Variants in SYT1 observed in about 807,000 individuals in gnomAD.
The protein encoded by SYT1 is synaptotagmin-1.
SYT1 carries 8 observed loss-of-function variants against 44.8 expected under a neutral mutation model. The observed-to-expected ratio is 0.18, with a 90% CI of 0.10 to 0.32. SYT1 has a LOEUF of 0.32. Among genes scored for constraint, SYT1 ranks in the 10% least tolerant of loss-of-function variants. The probability of loss-of-function intolerance (pLI) is 1.00; values close to 1 mark genes in which losing one functional copy is unlikely to be tolerated. For missense variants in SYT1, 286 were observed against 509.3 expected, an observed-to-expected ratio of 0.56 and a Z score of 4.22; for synonymous variants, 154 against 188.8, an observed-to-expected ratio of 0.82 and a Z score of 1.51.
chr12:79,005,702 G>T (rs1419712152), intron 2 of SYT1, among the ~76,000 whole-genome samples: 1 of 152,090 alleles, frequency 6.6e-6, no homozygotes, highest in Admixed American at 6.6e-5. Flanking sequence ...AAGAGAGGCA[G>T]TTAAACAAGC....
At chr12:79,014,333 T>C (rs888242269) in intron 2 of SYT1, among the ~76,000 whole-genome samples, 7 of 152,104 alleles carry the variant, frequency 4.6e-5, no homozygotes, top group Admixed American at 3.9e-4. Context: ...TTTATACTAT[T>C]TAGAATAATG....
At chr12:79,132,674 CAAAAAA>C (rs71091641) in intron 3 of SYT1, among the ~76,000 whole-genome samples, 2,732 of 43,666 alleles carry the variant, frequency 0.063, 35 homozygotes, top group Non-Finnish European at 0.079. Context: ...GGAGTTTTCT[CAAAAAA>C]AAAAAAAAAA....
chr12:78,994,826 T>G (rs1870265660), intron 2 of SYT1, among the ~76,000 whole-genome samples: 1 of 152,172 alleles, frequency 6.6e-6, no homozygotes, highest in Non-Finnish European at 1.5e-5. Flanking sequence ...TGAGCCACTG[T>G]GCCCGGCCAA....
At chr12:79,061,557 A>G (rs1282615969) in intron 3 of SYT1, among the ~76,000 whole-genome samples, 1 of 152,148 alleles carries the variant, frequency 6.6e-6, no homozygotes, top group African/African-American at 2.4e-5. Flanking sequence ...ACAAAAATGA[A>G]TGGGACAGTC....
At chr12:79,031,604 T>C (rs1249481197) in intron 2 of SYT1, among the ~76,000 whole-genome samples, 1 of 151,178 alleles carries the variant, frequency 6.6e-6, no homozygotes, top group Non-Finnish European at 1.5e-5. Context: ...AACCCTATTA[T>C]GTAACTTTCA....
At chr12:79,042,029 G>C (rs1873621639) in intron 2 of SYT1, among the ~76,000 whole-genome samples, 1 of 150,768 alleles carries the variant, frequency 6.6e-6, no homozygotes, top group African/African-American at 2.4e-5. Flanking sequence ...CGTTTTGCCA[G>C]TATTTTATTG....
At chr12:79,268,845 C>T (rs1007092675) in intron 4 of SYT1, among the ~76,000 whole-genome samples, 1 of 152,076 alleles carries the variant, frequency 6.6e-6, no homozygotes, top group African/African-American at 2.4e-5. Context: ...AAGTCTGTAT[C>T]ATATTGAAAG....
chr12:78,923,806 T>C (rs1469614401), intron 1 of SYT1, among the ~76,000 whole-genome samples: 1 of 151,802 alleles, frequency 6.6e-6, no homozygotes, highest in Non-Finnish European at 1.5e-5. Flanking sequence ...TAGGTGCATA[T>C]TTTCTAAAAA....
intron 2 of SYT1, among the ~76,000 whole-genome samples, chr12:79,044,996 G>A (rs1185628503): frequency 2.0e-5 from 3 of 152,174 alleles, no homozygotes; most frequent in East Asian, 1.9e-4. Context: ...CTGCAGCTGC[G>A]TGCTGGGAGA....
At chr12:79,034,306 A>T (rs1414262906) in intron 2 of SYT1, among the ~76,000 whole-genome samples, 1 of 151,568 alleles carries the variant, frequency 6.6e-6, no homozygotes, top group Non-Finnish European at 1.5e-5. Flanking sequence ...CTTTGGGTAA[A>T]TACTGCTTTC....
intron 4 of SYT1, among the ~76,000 whole-genome samples, chr12:79,238,753 T>C (rs561892063): frequency 5.9e-5 from 9 of 152,210 alleles, no homozygotes; most frequent in Non-Finnish European, 1.2e-4. Context: ...CCCTCATATA[T>C]TTGCAGCAGA....
intron 9 of SYT1, among the ~76,000 whole-genome samples, chr12:79,407,981 T>A (rs1885302114): frequency 6.6e-6 from 1 of 152,126 alleles, no homozygotes; most frequent in African/African-American, 2.4e-5. Flanking sequence ...CAAAAGATGT[T>A]GCTTCGAGAA....
At chr12:79,438,398 G>C (rs1870213963) in intron 9 of SYT1, among the ~76,000 whole-genome samples, 1 of 152,134 alleles carries the variant, frequency 6.6e-6, no homozygotes, top group Admixed American at 6.6e-5. Context: ...GAGCATCAGG[G>C]CTAGATCAAC....
intron 2 of SYT1, among the ~76,000 whole-genome samples, chr12:79,012,123 T>C (rs1344760113): frequency 4.0e-4 from 57 of 143,726 alleles, no homozygotes; most frequent in Non-Finnish European, 1.5e-4. Context: ...CAGAATGAGA[T>C]TCTGTCTCAA....
chr12:79,017,782 T>C (rs1871904919), intron 2 of SYT1, among the ~76,000 whole-genome samples: 1 of 152,046 alleles, frequency 6.6e-6, no homozygotes, highest in Admixed American at 6.6e-5. Flanking sequence ...TGTACTTTGA[T>C]AAAATGTCTC....
intron 3 of SYT1, among the ~76,000 whole-genome samples, chr12:79,120,992 C>T (rs1462659171): frequency 6.6e-6 from 1 of 151,080 alleles, no homozygotes; most frequent in Admixed American, 6.6e-5. Flanking sequence ...TATATATACA[C>T]ACACACATAT....
intron 2 of SYT1, among the ~76,000 whole-genome samples, chr12:78,981,003 A>G (rs1342944503): frequency 3.3e-5 from 5 of 152,088 alleles, no homozygotes; most frequent in Non-Finnish European, 1.5e-5. Context: ...GGCCAACAGC[A>G]TTGAACTAGC....
chr12:79,239,800 G>C (rs977494321), intron 4 of SYT1, among the ~76,000 whole-genome samples: 5 of 152,134 alleles, frequency 3.3e-5, no homozygotes, highest in African/African-American at 1.2e-4. Flanking sequence ...AGCTCTTTCA[G>C]ACTTTTTGGC....
At chr12:79,130,132 A>T (rs945102983) in intron 3 of SYT1, among the ~76,000 whole-genome samples, 3 of 152,192 alleles carry the variant, frequency 2.0e-5, no homozygotes, top group African/African-American at 7.2e-5. Flanking sequence ...CCACCAAAGA[A>T]TAATTTTTAT....
Sources: allele counts gnomAD v4.1 joint callset (sites outside exome capture counted in the v4.1 genomes callset), GRCh38; gene constraint gnomAD v4.1.1; transcripts MANE v1.5; gene names NCBI Gene and HGNC (gene_info 2026-07-23, HGNC 2026-07-21).